Variants in GPX7 observed in about 807,000 individuals in gnomAD.
The protein encoded by GPX7 is glutathione peroxidase 7, also known as protein peroxidase GPX7.
In GPX7, 21 loss-of-function variants were observed where a neutral mutation model predicts 23.7. That is an observed-to-expected ratio of 0.89 (90% confidence interval 0.63 to 1.28). The LOEUF is 1.28. Ranked by LOEUF, GPX7 falls within the 50% of genes most tolerant of loss-of-function variation. The pLI is 0.00. For missense variants in GPX7, 238 were observed against 237.3 expected, an observed-to-expected ratio of 1.00 and a Z score of -0.02; for synonymous variants, 112 against 101.8, an observed-to-expected ratio of 1.10 and a Z score of -0.61.
At position 52,606,921 on chromosome 1, in the gene GPX7, C is replaced by G. The variant is rs780034901; in HGVS notation, c.376C>G (p.His126Asp). The G allele has an allele frequency of 1.1e-5, 17 of 1,614,078 alleles. No individual in the cohort carries two copies. Among genetic ancestry groups the G allele is most frequent in the Admixed American group, 5.0e-5 (3 of 60,006 alleles). The change falls in exon 2 of 3, where the codon CAT (histidine) becomes GAT (aspartate). Residue 126 changes from histidine to aspartate, a missense_variant. By Grantham distance (81) the His-to-Asp change is moderately conservative. Transcript: ENST00000361314. The stretch of plus-strand genomic sequence containing the variant: ...GATTGCAGTCACCGGTACTGGTGCC[C>G]ATCCTGCCTTCAAGTACCTGGCCCG... ...SKIAVTGTGAHPAFKYLAQTS... is the reference protein window; with the variant it reads ...SKIAVTGTGADPAFKYLAQTS...
At chr1:52,603,918 C>T (rs1690827526) in intron 1 of GPX7, among the ~76,000 whole-genome samples, 1 of 152,186 alleles carries the variant, frequency 6.6e-6, no homozygotes, top group Non-Finnish European at 1.5e-5. Context: ...CTCCTGTTCT[C>T]TCTAGGGCAG....
intron 1 of GPX7, among the ~76,000 whole-genome samples, chr1:52,603,181 A>G (rs963618984): frequency 6.6e-6 from 1 of 152,198 alleles, no homozygotes; most frequent in Non-Finnish European, 1.5e-5. Context: ...CTCTAGGCCA[A>G]GTCCTTAGAT....
chr1:52,607,034 G>C (rs1362075437), intron 2 of GPX7, 89 bp downstream of exon 2: 3 of 1,453,428 alleles, frequency 2.1e-6, no homozygotes, highest in East Asian at 4.6e-5. Context: ...GGCTGGTTGG[G>C]TGACCTGGGG....
intron 1 of GPX7, 70 bp downstream of exon 1, chr1:52,602,617 C>A: frequency 1.0e-6 from 1 of 984,962 alleles, no homozygotes; most frequent in Non-Finnish European, 1.4e-6. Context: ...GGGGACGCCC[C>A]GCAGCCCGGT....
Position 52,608,398 on chromosome 1 carries a change from C to T in GPX7, c.537C>T (p.Leu179=). 2 of 1,612,944 alleles carry T rather than the reference C, an allele frequency of 1.2e-6. No homozygotes were observed. Among genetic ancestry groups the T allele is most frequent in the Non-Finnish European group, 1.7e-6 (2 of 1,179,622 alleles). ...RPQITALVRK[L]ILLKREDL is the part of the protein sequence containing the mutation. ...AGATCACAGCGCTCGTGAGGAAGCT[C>T]ATCCTACTGAAGCGAGAAGACTTAT... Residue 179 remains leucine (L), a synonymous_variant, in exon 3 of 3, where the codon CTC becomes CTT. Coordinates refer to ENST00000361314, the MANE Select transcript of GPX7 (RefSeq NM_015696.5).
At chr1:52,608,129 C>G in intron 2 of GPX7, 133 bp from the exon 3 acceptor site, 1 of 677,016 alleles carries the variant, frequency 1.5e-6, no homozygotes, top group East Asian at 3.0e-5. Context: ...CTCAGAGATT[C>G]TGGTTGGAGT....
At chr1:52,606,185 G>T (rs1241632681) in intron 1 of GPX7, among the ~76,000 whole-genome samples, 1 of 152,152 alleles carries the variant, frequency 6.6e-6, no homozygotes, top group Non-Finnish European at 1.5e-5. Flanking sequence ...CCCTCAGTAG[G>T]TTCACATTCT....
In GPX7 at chr1:52,606,942, G is replaced by A; in HGVS notation, c.397G>A (p.Ala133Thr). The change falls in exon 2 of 3, where the codon GCC becomes ACC. Residue 133 changes from alanine (A) to threonine (T), a missense_variant. Ala to Thr is a moderately conservative substitution (Grantham distance 58). Coordinates refer to ENST00000361314, the MANE Select transcript of GPX7 (RefSeq NM_015696.5). ...TGCCCATCCTGCCTTCAAGTACCTG[G>A]CCCGTAAGTCCTGGTCTCTTCATCC... The part of the protein sequence containing the change: ...TGAHPAFKYL[A>T]QTSGKEPTWN... 1 of 1,614,026 alleles carries A rather than the reference G, an allele frequency of 6.2e-7. No homozygotes were observed. Among genetic ancestry groups the A allele is most frequent in the Non-Finnish European group, 8.5e-7 (1 of 1,179,940 alleles).
chr1:52,606,946 G>C lies in GPX7; in HGVS notation c.400+1G>C. On this transcript the variant is annotated splice_donor_variant, in intron 2 of 2. Transcript: ENST00000361314. LOFTEE classifies it high-confidence loss of function. The stretch of plus-strand genomic sequence containing the variant: ...CATCCTGCCTTCAAGTACCTGGCCC[G>C]TAAGTCCTGGTCTCTTCATCCCCTC... 6.2e-7 allele frequency: 1 copy of C among 1,613,798 alleles called. No homozygotes were observed. The highest frequency in any genetic ancestry group is 1.1e-5 in the South Asian group (1 of 91,050).
In GPX7 at chr1:52,606,738, C is replaced by T. The variant is rs771879635; in HGVS notation, c.193C>T (p.Arg65Ter). ...GTGCGGCTTCACAGACCAGCACTAC[C>T]GAGCCCTGCAGCAGCTGCAGCGAGA... ...SECGFTDQHY[R>*]ALQQLQRDLG... The change falls in exon 2 of 3, where the codon CGA (arginine) becomes TGA (stop). Residue 65 changes from arginine (R) to a stop codon, truncating the protein, a stop_gained. Coordinates refer to ENST00000361314, the MANE Select transcript of GPX7 (RefSeq NM_015696.5). LOFTEE classifies it high-confidence loss of function. 1.3e-5 allele frequency: 21 copies of T among 1,614,038 alleles called. No individual in the cohort carries two copies. The highest frequency in any genetic ancestry group is 4.5e-5 in the East Asian group (2 of 44,900).
In GPX7 at chr1:52,602,435, C is replaced by G; in HGVS notation, c.26C>G (p.Ala9Gly). 1 of 1,522,776 alleles carries G rather than the reference C, an allele frequency of 6.6e-7. No homozygotes were observed. The highest frequency in any genetic ancestry group is 8.8e-7 in the Non-Finnish European group (1 of 1,138,888). 94.3% of individuals were successfully genotyped at this position (1,522,776 alleles called of 1,614,324 possible). A position where few individuals can be genotyped will look rare whatever the true frequency, so the allele number is the denominator to read the frequency against. ...ATGGTGGCGGCGACGGTGGCAGCGG[C>G]GTGGCTGCTCCTGTGGGCTGCGGCC... MVAATVAA[A>G]WLLLWAAACA... The change falls in exon 1 of 3, where the codon GCG (alanine) becomes GGG (glycine). Residue 9 changes from alanine (A) to glycine (G), a missense_variant. Physicochemically the swap from Ala to Gly is moderately conservative, Grantham distance 60. Transcript: ENST00000361314.
At position 52,602,593 on chromosome 1, in the gene GPX7, T is replaced by C. The variant is rs371204483; in HGVS notation, c.138+46T>C. ...GGCGCCGCTGGGCCCGGCCTCGCCC[T>C]GGCGGGGCCTGCTGGGGACGCCCCG... On this transcript the variant is annotated intron_variant, in intron 1 of 2. Coordinates refer to ENST00000361314, the MANE Select transcript of GPX7 (RefSeq NM_015696.5). 127 of 1,305,016 alleles carry C rather than the reference T, an allele frequency of 9.7e-5. No homozygotes were observed. The African/African-American group carries it at 1.8e-3, about 18-fold the overall frequency. The allele number at this position is 1,305,016 out of a possible 1,614,324, so 80.8% of individuals were successfully genotyped here.
intron 1 of GPX7, among the ~76,000 whole-genome samples, chr1:52,605,131 A>G (rs1690841830): frequency 1.3e-5 from 2 of 150,470 alleles, no homozygotes; most frequent in Non-Finnish European, 3.0e-5. Flanking sequence ...ACCCTAACTG[A>G]GGAAGGGAGT....
intron 2 of GPX7, 42 bp downstream of exon 2, chr1:52,606,987 G>T: frequency 1.3e-6 from 2 of 1,594,820 alleles, no homozygotes; most frequent in Non-Finnish European, 1.7e-6. Flanking sequence ...TCCCTTAGCT[G>T]GCTGAGGCCA....
chr1:52,602,657 C>A, intron 1 of GPX7, 110 bp downstream of exon 1: 1 of 441,850 alleles, frequency 2.3e-6, no homozygotes, highest in South Asian at 1.0e-4. Flanking sequence ...CGAGGACGCT[C>A]CAGCCGCGCG....
intron 1 of GPX7, 125 bp from the exon 2 acceptor site, chr1:52,606,559 T>G: frequency 9.8e-7 from 1 of 1,024,510 alleles, no homozygotes. Context: ...CACAGTGTTC[T>G]TGTATGTGTG....
intron 1 of GPX7, 98 bp from the exon 2 acceptor site, chr1:52,606,586 T>C: frequency 3.0e-6 from 4 of 1,350,994 alleles, no homozygotes; most frequent in Non-Finnish European, 4.1e-6. Flanking sequence ...TATTAACTGT[T>C]GAGGGAGTCA....
intron 2 of GPX7, 30 bp downstream of exon 2, chr1:52,606,975 C>A (rs1188192537): frequency 2.5e-6 from 4 of 1,604,994 alleles, no homozygotes; most frequent in Middle Eastern, 1.7e-4. Flanking sequence ...TCCCCTCACA[C>A]CTCCCTTAGC....
At position 52,608,418 on chromosome 1, in the gene GPX7, A is replaced by G. The variant is rs146310670; in HGVS notation, c.557A>G (p.Asp186Gly). 1.4e-5 allele frequency: 22 copies of G among 1,607,778 alleles called. No homozygotes were observed. The highest frequency in any genetic ancestry group is 1.8e-5 in the Non-Finnish European group (21 of 1,177,518). The part of the protein sequence containing the change: ...VRKLILLKRE[D>G]L ...AAGCTCATCCTACTGAAGCGAGAAG[A>G]CTTATAACCACCGCGTCTCCTCCTC... The change falls in exon 3 of 3, where the codon GAC becomes GGC. Residue 186 changes from aspartate (D) to glycine (G), a missense_variant. Transcript: ENST00000361314.
Sources: allele counts gnomAD v4.1 joint callset (sites outside exome capture counted in the v4.1 genomes callset), GRCh38; gene constraint gnomAD v4.1.1; transcripts MANE v1.5; gene names NCBI Gene and HGNC (gene_info 2026-07-23, HGNC 2026-07-21).